The following TTLL8 variants were observed in gnomAD, a reference collection of about 807,000 sequenced individuals.
TTLL8 encodes the protein tubulin tyrosine ligase like 8, also known as protein monoglycylase TTLL8.
A neutral mutation model predicts 77.8 loss-of-function variants in TTLL8; 65 were observed. The ratio of observed to expected loss-of-function variants is 0.84; its 90% CI spans 0.68 to 1.03. The LOEUF is 1.03. Among genes scored for constraint, TTLL8 ranks in the 50% least tolerant of loss-of-function variants. The probability of loss-of-function intolerance (pLI) is 0.00; values close to 1 mark genes in which losing one functional copy is unlikely to be tolerated. For synonymous variants in TTLL8, 402 were observed against 422.8 expected, an observed-to-expected ratio of 0.95 and a Z score of 0.60; for missense variants, 910 against 1,004.5, an observed-to-expected ratio of 0.91 and a Z score of 1.27.
In TTLL8 at chr22:50,027,732, G is replaced by A. The variant is rs147296518; in HGVS notation, c.2203+2698C>T. ...TTGCAGCACAGGCTCTGAGAGCAAC[G>A]GTGCGGTTGCCTGACTGTCACGGAA... On this transcript the variant is annotated intron_variant, in intron 12 of 13. Coordinates refer to ENST00000266182, the Ensembl canonical transcript of TTLL8. 2.1e-5 allele frequency: 21 copies of A among 985,418 alleles called. No homozygotes were observed. The East Asian group carries it at 7.9e-4, about 37-fold the overall frequency. 61.0% of individuals were successfully genotyped at this position (985,418 alleles called of 1,614,324 possible).
At chr22:50,058,090 G>A (rs1400696914), upstream of TTLL8, among the ~76,000 whole-genome samples, 1 of 151,878 alleles carries the variant, frequency 6.6e-6, no homozygotes, top group Non-Finnish European at 1.5e-5. The surrounding 1 kb of genome is among the most constrained non-coding windows in gnomAD (Gnocchi z 4.2). Flanking sequence ...TGGGGAGGAG[G>A]GGTCCTGTCC....
rs1350229992 is a variant in TTLL8, at chr22:50,034,206, C to T, written c.1039+139G>A. 2 of 1,109,814 alleles carry T rather than the reference C, an allele frequency of 1.8e-6. No homozygotes were observed. The highest frequency in any genetic ancestry group is 3.3e-5 in the African/African-American group (2 of 60,964). 68.7% of individuals were successfully genotyped at this position (1,109,814 alleles called of 1,614,324 possible). ...TCTGCTCCAGCGCCTGAGTCCTGAC[C>T]CCCACGCCTGCCTCGGCGTTCTGCT... is the stretch of plus-strand genomic sequence containing the variant. On this transcript the variant is annotated intron_variant, in intron 9 of 13. Transcript: ENST00000266182. The surrounding 1 kb of genome is among the most constrained non-coding windows in gnomAD (Gnocchi z 4.1).
intron 10 of TTLL8, among the ~76,000 whole-genome samples, chr22:50,032,797 A>C (rs1353880402): frequency 6.6e-6 from 1 of 151,994 alleles, no homozygotes; most frequent in Non-Finnish European, 1.5e-5. Flanking sequence ...CCACGCGGGG[A>C]CCCGGGTGAG....
exon 10 of TTLL8, chr22:50,033,415 A>T (rs2061313147): frequency 7.3e-7 from 1 of 1,365,116 alleles, no homozygotes; most frequent in Non-Finnish European, 9.8e-7. Context: ...CAGCTCCAGG[A>T]TCTCCTCCAC....
intron 1 of TTLL8, among the ~76,000 whole-genome samples, chr22:50,053,830 G>A (rs1027706286): frequency 2.6e-5 from 4 of 152,158 alleles, no homozygotes; most frequent in South Asian, 4.1e-4. Context: ...GTGATGGAAC[G>A]GTCTTTATGG....
At chr22:50,033,115 G>A (rs888363350) in intron 10 of TTLL8, 87 bp downstream of exon 11, 39 of 1,252,178 alleles carry the variant, frequency 3.1e-5, no homozygotes, top group South Asian at 1.2e-4. Context: ...GGCCCTGCCC[G>A]TGCTGCTTCT....
At chr22:50,030,235 C>T (rs543723437) in intron 12 of TTLL8, 195 bp downstream of exon 13, 1 of 985,378 alleles carries the variant, frequency 1.0e-6, no homozygotes, top group East Asian at 1.1e-4. Context: ...CCCGAGACCC[C>T]CGTGCCGGGC....
intron 8 of TTLL8, among the ~76,000 whole-genome samples, chr22:50,036,090 T>A (rs1382126906): frequency 6.6e-6 from 1 of 152,158 alleles, no homozygotes; most frequent in Non-Finnish European, 1.5e-5. Context: ...CTCCAGATGC[T>A]GACGGCGAGC....
rs2061458921 is a variant in TTLL8 at position 50,054,132 on chromosome 22, C to T, written c.51+444G>A. On this transcript the variant is annotated intron_variant, in intron 1 of 13. Transcript: ENST00000266182. Reference sequence around the variant, plus strand: ...ACCTCAGAGGGGAGTTAAGGGAATGCAGATGTTTTCTCACACTATTGCCAG... The same window carrying T: ...ACCTCAGAGGGGAGTTAAGGGAATGTAGATGTTTTCTCACACTATTGCCAG... Among the ~76,000 whole-genome samples the T allele has an allele frequency of 2.0e-5, 3 of 152,210 alleles. No individual in the cohort carries two copies. In the South Asian group the frequency reaches 6.2e-4, roughly 31 times the overall value.
intron 9 of TTLL8, 43 bp from the exon 11 acceptor site, chr22:50,033,488 G>A: frequency 1.5e-6 from 2 of 1,336,578 alleles, no homozygotes; most frequent in Non-Finnish European, 2.0e-6. Context: ...CAGCCACTGT[G>A]CAGCGGGACC....
At chr22:50,038,125 G>C (rs976596826) in intron 8 of TTLL8, among the ~76,000 whole-genome samples, 5 of 152,154 alleles carry the variant, frequency 3.3e-5, no homozygotes, top group Non-Finnish European at 7.4e-5. Context: ...GTTGTTATTT[G>C]ATGTTAGTGT....
upstream of TTLL8, chr22:50,055,222 A>G (rs2061464706): frequency 3.9e-6 from 5 of 1,288,030 alleles, no homozygotes; most frequent in African/African-American, 1.5e-5. Flanking sequence ...CCGAGTCCCA[A>G]GGAGCATTTA....
rs1004522378 is a variant in TTLL8 at position 50,049,941 on chromosome 22, C to T, written c.190+168G>A. The T allele has an allele frequency of 1.9e-5, 13 of 681,036 alleles. 1 individual carries two copies. The highest frequency in any genetic ancestry group is 2.7e-4 in the East Asian group (2 of 7,428). 42.2% of individuals were successfully genotyped at this position (681,036 alleles called of 1,614,324 possible). On this transcript the variant is annotated intron_variant, in intron 2 of 13. Coordinates refer to ENST00000266182, the Ensembl canonical transcript of TTLL8. ...CTTGAAAGGGTTTGCCTGGCACGAC[C>T]GCCTGGGGCAGGGAGGCCAGGAGGG...
At chr22:50,046,382 T>C (rs912438326) in intron 4 of TTLL8, among the ~76,000 whole-genome samples, 6 of 152,196 alleles carry the variant, frequency 3.9e-5, no homozygotes, top group African/African-American at 1.4e-4. Flanking sequence ...TGCCCAGCAC[T>C]GCCCACCACA....
intron 6 of TTLL8, among the ~76,000 whole-genome samples, chr22:50,042,275 A>C (rs2061376396): frequency 6.6e-6 from 1 of 152,256 alleles, no homozygotes; most frequent in Non-Finnish European, 1.5e-5. Flanking sequence ...GAGTATACAG[A>C]GACCTCTTGA....
At chr22:50,045,515 C>T in intron 5 of TTLL8, 126 bp from the exon 8 acceptor site, 1 of 797,510 alleles carries the variant, frequency 1.3e-6, no homozygotes, top group Non-Finnish European at 1.8e-6. Context: ...GGGGCCCAGG[C>T]CTGCTCCCAC....
At chr22:50,023,876 C>T (rs1458282525) in intron 12 of TTLL8, among the ~76,000 whole-genome samples, 10 of 151,620 alleles carry the variant, frequency 6.6e-5, no homozygotes, top group South Asian at 2.1e-4. Context: ...AAAAATTAGC[C>T]GGGCATGGTC....
exon 2 of TTLL8, chr22:50,050,212 C>G (rs774819874): frequency 7.4e-7 from 1 of 1,355,320 alleles, no homozygotes; most frequent in East Asian, 4.6e-5. Flanking sequence ...CCCGGACCAC[C>G]GGGTAGTGTC....
At position 50,018,665 on chromosome 22, in the gene TTLL8, G is replaced by A. The variant is rs182237446; in HGVS notation, c.2204-2103C>T. Reference sequence around the variant, plus strand: ...CTGACAGCTCCCCTTGGAGAGTGATGGCTGACTCTGCTGATTTTCCCAGAG... The same window carrying A: ...CTGACAGCTCCCCTTGGAGAGTGATAGCTGACTCTGCTGATTTTCCCAGAG... On this transcript the variant is annotated intron_variant, in intron 12 of 13. Coordinates refer to ENST00000266182, the Ensembl canonical transcript of TTLL8. Among the ~76,000 whole-genome samples the A allele has an allele frequency of 3.3e-3, 498 of 152,328 alleles. 4 individuals are homozygous for A. Among genetic ancestry groups the A allele is most frequent in the Non-Finnish European group, 4.2e-3 (289 of 68,022 alleles).
Sources: gnomAD v4.1 joint callset for allele counts (sites outside exome capture counted in the v4.1 genomes callset) on GRCh38, gnomAD v4.1.1 for gene constraint, Gnocchi (gnomAD v3.1) non-coding constraint, MANE v1.5 for transcripts, NCBI Gene and HGNC (gene_info 2026-07-23, HGNC 2026-07-21) for gene names.